Variants in MARK3 observed in about 807,000 individuals in gnomAD.
MARK3 encodes microtubule affinity regulating kinase 3, also known as MAP/microtubule affinity-regulating kinase 3.
MARK3 carries 46 observed loss-of-function variants against 90.1 expected under a neutral mutation model. The ratio of observed to expected loss-of-function variants is 0.51; its 90% CI spans 0.40 to 0.65. The LOEUF (loss-of-function observed/expected upper bound fraction) is 0.65, where lower values mean the gene tolerates loss of function less well. Among genes scored for constraint, MARK3 ranks in the 30% least tolerant of loss-of-function variants. The pLI is 0.00. For missense variants in MARK3, 818 were observed against 947.2 expected (o/e 0.86, Z 1.79); for synonymous variants, 321 against 332.6 (o/e 0.97, Z 0.38).
intron 2 of MARK3, among the ~76,000 whole-genome samples, chr14:103,424,593 T>TAGTGA (rs2092339840): frequency 6.7e-6 from 1 of 149,682 alleles, no homozygotes; most frequent in African/African-American, 2.5e-5. Flanking sequence ...CATAAGAAAC[T>TAGTGA]AGTGATTAAG....
At chr14:103,458,906 G>T in intron 6 of MARK3, 2 of 451,164 alleles carry the variant, frequency 4.4e-6, no homozygotes, top group Admixed American at 4.0e-5. Flanking sequence ...GTAAAAATCA[G>T]CTTTGGCTAT....
intron 2 of MARK3, chr14:103,412,438 C>CA: frequency 1.8e-6 from 1 of 554,946 alleles, no homozygotes; most frequent in South Asian, 2.0e-5. Flanking sequence ...ACTCTGAAGC[C>CA]AAAAATGCAT....
chr14:103,422,322 G>A (rs1269815792), intron 2 of MARK3, among the ~76,000 whole-genome samples: 2 of 152,182 alleles, frequency 1.3e-5, no homozygotes, highest in East Asian at 3.8e-4. Context: ...TGGGCATGGT[G>A]TGTGTGCCTG....
At position 103,386,386 on chromosome 14, in the gene MARK3, A is replaced by G. The variant is rs190001276; in HGVS notation, c.51+306A>G. 1.4e-4 allele frequency: 92 copies of G among 672,482 alleles called. No homozygotes were observed. The Admixed American group carries it at 1.8e-3, about 13-fold the overall frequency. 41.7% of individuals were successfully genotyped at this position (672,482 alleles called of 1,614,324 possible). A position where few individuals can be genotyped will look rare whatever the true frequency, so the allele number is the denominator to read the frequency against. ...AGGTTGCCGCGCAATGGATTGTGCA[A>G]ACGTGTGTGTCAGATCACTGCAGTG... On this transcript the variant is annotated intron_variant, in intron 1 of 17. Transcript: ENST00000429436.
At chr14:103,401,104 A>G (rs1231482047) in intron 1 of MARK3, among the ~76,000 whole-genome samples, 1 of 151,966 alleles carries the variant, frequency 6.6e-6, no homozygotes, top group Admixed American at 6.6e-5. Context: ...GTGCTGTGGC[A>G]TAGGAATAGG....
intron 15 of MARK3, among the ~76,000 whole-genome samples, chr14:103,493,600 C>T (rs1425051497): frequency 6.6e-6 from 1 of 152,040 alleles, no homozygotes; most frequent in East Asian, 1.9e-4. Flanking sequence ...CCTGGCCAGC[C>T]GTGGTGGTTC....
chr14:103,485,297 G>A (rs1335025022), intron 14 of MARK3, among the ~76,000 whole-genome samples: 7 of 139,136 alleles, frequency 5.0e-5, no homozygotes, highest in African/African-American at 1.9e-4. Flanking sequence ...GAGTCTTGCA[G>A]TGTGGCCCAG....
At position 103,466,584 on chromosome 14, in the gene MARK3, G is replaced by A. The variant is rs148237699; in HGVS notation, c.997+142G>A. 3.8e-3 allele frequency: 2,155 copies of A among 563,602 alleles called. 11 individuals carry two copies. The highest frequency in any genetic ancestry group is 0.021 in the Middle Eastern group (65 of 3,150). The allele number at this position is 563,602 out of a possible 1,614,324, so 34.9% of individuals were successfully genotyped here. Reference sequence around the variant, plus strand: ...CAGTTTATCTGTTCTGTCATATTTAGGAACGTAACTACCTGCAGTTTCCTA... The same window carrying A: ...CAGTTTATCTGTTCTGTCATATTTAAGAACGTAACTACCTGCAGTTTCCTA... On this transcript the variant is annotated intron_variant, in intron 10 of 17. Transcript: ENST00000429436.
At chr14:103,389,635 T>C (rs1385947484) in intron 1 of MARK3, among the ~76,000 whole-genome samples, 3 of 150,676 alleles carry the variant, frequency 2.0e-5, no homozygotes, top group Non-Finnish European at 4.4e-5. Flanking sequence ...CCACCCTTAG[T>C]GAATGGGTAT....
At chr14:103,439,745 C>T (rs886245046) in intron 3 of MARK3, among the ~76,000 whole-genome samples, 2 of 151,986 alleles carry the variant, frequency 1.3e-5, no homozygotes, top group African/African-American at 4.8e-5. Context: ...TATAAATGGA[C>T]TCATGCTATG....
Position 103,443,416 on chromosome 14 carries a change from C to T in MARK3, c.298-5503C>T, listed in dbSNP as rs566004390. ...TACAGTTCAGTTTCACTTATAATAT[C>T]CATTCTAAAATTGGGAATTAAAAAT... is the stretch of plus-strand genomic sequence containing the variant. On this transcript the variant is annotated intron_variant, in intron 3 of 17. Transcript: ENST00000429436. Among the ~76,000 whole-genome samples, 17 of 152,284 alleles carry T rather than the reference C, an allele frequency of 1.1e-4. No individual in the cohort carries two copies. In the South Asian group the frequency reaches 3.1e-3, roughly 28 times the overall value.
intron 4 of MARK3, 30 bp downstream of exon 4, chr14:103,448,997 G>A (rs747192744): frequency 1.3e-6 from 2 of 1,541,728 alleles, no homozygotes; most frequent in South Asian, 1.2e-5. Context: ...ATATTTTGGG[G>A]TCTAAATACG....
chr14:103,491,314 A>G (rs966015472), intron 14 of MARK3: 1 of 227,398 alleles, frequency 4.4e-6, no homozygotes, highest in Non-Finnish European at 8.7e-6. Context: ...AAAATGTATA[A>G]GAAGTTCCTG....
chr14:103,451,489 T>G (rs1229727855), intron 4 of MARK3, among the ~76,000 whole-genome samples: 1 of 152,212 alleles, frequency 6.6e-6, no homozygotes, highest in Non-Finnish European at 1.5e-5. Flanking sequence ...CAAATAGAAT[T>G]ACATCCTTAA....
chr14:103,386,398 A>G (rs1385470708), intron 1 of MARK3: 2 of 643,200 alleles, frequency 3.1e-6, no homozygotes, highest in East Asian at 6.3e-5. Flanking sequence ...CGTGTGTGTC[A>G]GATCACTGCA....
chr14:103,446,102 T>C (rs2092988908), intron 3 of MARK3, among the ~76,000 whole-genome samples: 1 of 152,118 alleles, frequency 6.6e-6, no homozygotes, highest in Non-Finnish European at 1.5e-5. Context: ...CTTCATAGCT[T>C]GAAAGACATC....
intron 12 of MARK3, chr14:103,469,399 C>T (rs1168410267): frequency 3.9e-5 from 6 of 152,118 alleles, no homozygotes; most frequent in African/African-American, 1.4e-4. Flanking sequence ...CTAGGCTGGT[C>T]TTGAACTTGG....
At position 103,415,789 on chromosome 14, in the gene MARK3, T is replaced by C. The variant is rs2140899537; in HGVS notation, c.243+10522T>C. Among the ~76,000 whole-genome samples the C allele has an allele frequency of 1.3e-5, 2 of 152,360 alleles. 1 individual carries two copies. The highest frequency in any genetic ancestry group is 4.8e-5 in the African/African-American group (2 of 41,590). Reference sequence around the variant, plus strand: ...TGCACATAGCTTAACAAGTCAAATATACTAAAAAGTTCTAATGACAATCAG... The same window carrying C: ...TGCACATAGCTTAACAAGTCAAATACACTAAAAAGTTCTAATGACAATCAG... On this transcript the variant is annotated intron_variant, in intron 2 of 17. Transcript: ENST00000429436.
chr14:103,494,339 G>T (rs1485042774), intron 15 of MARK3, among the ~76,000 whole-genome samples: 1 of 151,500 alleles, frequency 6.6e-6, no homozygotes, highest in African/African-American at 2.4e-5. Flanking sequence ...ATCACCTGAG[G>T]TCGGGAATTT....
Sources: allele counts gnomAD v4.1 joint callset (sites outside exome capture counted in the v4.1 genomes callset), GRCh38; gene constraint gnomAD v4.1.1; transcripts MANE v1.5; gene names NCBI Gene and HGNC (gene_info 2026-07-23, HGNC 2026-07-21).